The following RYR2 variants were observed in gnomAD, a reference collection of about 807,000 sequenced individuals.
RYR2 encodes cardiac muscle ryanodine receptor-calcium release channel.
Under a neutral mutation model 601.1 loss-of-function variants are expected in RYR2, and 227 were observed. The observed-to-expected ratio is 0.38, with a 90% CI of 0.34 to 0.42. The LOEUF (loss-of-function observed/expected upper bound fraction) is 0.42. RYR2 is among the 10% of genes least tolerant of loss of function. The pLI is 1.00. For missense variants in RYR2, 4,646 were observed against 6,156.5 expected (o/e 0.75, Z 8.21); for synonymous variants, 2,223 against 2,175.1 (o/e 1.02, Z -0.61).
At chr1:237,156,776 T>C (rs1240139836) in intron 1 of RYR2, among the ~76,000 whole-genome samples, 5 of 152,184 alleles carry the variant, frequency 3.3e-5, no homozygotes, top group Non-Finnish European at 7.3e-5. Flanking sequence ...ATGATCACAT[T>C]TAGCTGTGTA....
Position 237,503,516 on chromosome 1 carries a change from C to G in RYR2, c.2613+11C>G. 6.2e-7 allele frequency: 1 copy of G among 1,612,280 alleles called. No individual in the cohort carries two copies. Among genetic ancestry groups the G allele is most frequent in the Non-Finnish European group, 8.5e-7 (1 of 1,178,552 alleles). On this transcript the variant is annotated intron_variant, in intron 22 of 104. Transcript: ENST00000366574. ...GTGGATACCAGCCAGGTACCAAGATCCACTCGAATGGCAATCACTGGTATT... is the reference window on the plus strand; with the variant it reads ...GTGGATACCAGCCAGGTACCAAGATGCACTCGAATGGCAATCACTGGTATT...
At chr1:237,576,512 C>T (rs1276451585) in intron 29 of RYR2, among the ~76,000 whole-genome samples, 2 of 151,974 alleles carry the variant, frequency 1.3e-5, no homozygotes, top group Non-Finnish European at 1.5e-5. Flanking sequence ...AGAAAAGAGG[C>T]CTGTGACAAA....
intron 63 of RYR2, among the ~76,000 whole-genome samples, chr1:237,696,978 C>A (rs1344495699): frequency 6.6e-6 from 1 of 151,940 alleles, no homozygotes; most frequent in Non-Finnish European, 1.5e-5. Flanking sequence ...GTATCATATC[C>A]CATCCTGCTC....
chr1:237,339,929 C>T (rs545059728), intron 3 of RYR2, among the ~76,000 whole-genome samples: 207 of 152,272 alleles, frequency 1.4e-3, no homozygotes, highest in Admixed American at 1.4e-3. Context: ...TTTATTTACT[C>T]GCAAGAGAAA....
intron 39 of RYR2, among the ~76,000 whole-genome samples, chr1:237,624,998 T>C (rs920573413): frequency 6.6e-6 from 1 of 152,016 alleles, no homozygotes; most frequent in Non-Finnish European, 1.5e-5. Context: ...TATATATATA[T>C]ATTTCTACAA....
intron 1 of RYR2, among the ~76,000 whole-genome samples, chr1:237,086,294 G>C (rs1209065203): frequency 1.3e-5 from 2 of 152,134 alleles, no homozygotes. Context: ...TTTCCTCCAT[G>C]TATCTGTGTC....
chr1:237,440,426 A>G (rs1707804148), intron 12 of RYR2, among the ~76,000 whole-genome samples: 1 of 152,218 alleles, frequency 6.6e-6, no homozygotes, highest in Admixed American at 6.5e-5. Flanking sequence ...TGGCTTTTTC[A>G]TTGCTGCTTT....
chr1:237,319,350 T>C (rs1695401194), intron 2 of RYR2, among the ~76,000 whole-genome samples: 1 of 152,182 alleles, frequency 6.6e-6, no homozygotes, highest in Non-Finnish European at 1.5e-5. Flanking sequence ...TGGGTTACAC[T>C]TTCCTGGGCT....
At chr1:237,711,906 T>C in intron 71 of RYR2, 69 bp downstream of exon 71, 2 of 769,144 alleles carry the variant, frequency 2.6e-6, no homozygotes, top group Non-Finnish European at 4.4e-6. Flanking sequence ...TGACTTTTTT[T>C]TTTTAGATTT....
At position 237,605,736 on chromosome 1, in the gene RYR2, A is replaced by G. The variant is rs886220896; in HGVS notation, c.4683+3625A>G. Among the ~76,000 whole-genome samples the G allele has an allele frequency of 4.9e-4, 75 of 152,212 alleles. 1 individual carries two copies. Among genetic ancestry groups the G allele is most frequent in the Admixed American group, 3.9e-3 (60 of 15,284 alleles). On this transcript the variant is annotated intron_variant, in intron 35 of 104. Coordinates refer to ENST00000366574, the MANE Select transcript of RYR2 (RefSeq NM_001035.3). ...CAGCAAAGTCTCAGGATACAAAATCAATGTGCAAAAATCACAAGCATTCTT... is the reference window on the plus strand; with the variant it reads ...CAGCAAAGTCTCAGGATACAAAATCGATGTGCAAAAATCACAAGCATTCTT...
chr1:237,763,340 C>T (rs12080621), intron 84 of RYR2, among the ~76,000 whole-genome samples: 1,575 of 152,204 alleles, frequency 0.01, 24 homozygotes, highest in African/African-American at 0.032. Context: ...GATTGGTGCA[C>T]GGGAAATCGG....
chr1:237,061,273 T>C (rs1446815161), intron 1 of RYR2, among the ~76,000 whole-genome samples: 4 of 129,396 alleles, frequency 3.1e-5, no homozygotes, highest in African/African-American at 1.2e-4. Flanking sequence ...TCTATCCATC[T>C]ATCATCTATC....
intron 35 of RYR2, among the ~76,000 whole-genome samples, chr1:237,605,159 T>C (rs530652743): frequency 1.3e-5 from 2 of 152,276 alleles, no homozygotes; most frequent in South Asian, 2.1e-4. Flanking sequence ...TGAACATCGA[T>C]GCAAAAATCC....
intron 26 of RYR2, 51 bp downstream of exon 26, chr1:237,548,641 A>G: frequency 6.3e-7 from 1 of 1,591,428 alleles, no homozygotes; most frequent in Non-Finnish European, 8.6e-7. Context: ...GGGAATTAGC[A>G]TAATTTGTAA....
In RYR2 at chr1:237,761,010, G is replaced by A; in HGVS notation, c.11458G>A (p.Val3820Met). Residue 3820 changes from valine to methionine, a missense_variant, in exon 84 of 105, where the codon GTG becomes ATG. This residue lies in a region of RYR2 where 1,497 missense variants were observed against 1,842.6 expected (regional missense o/e 0.81). Coordinates refer to ENST00000366574, the MANE Select transcript of RYR2 (RefSeq NM_001035.3). Reference sequence around the variant, plus strand: ...AAACAAAGCTGAAGGTCTTGGGATGGTGACAGAGGAAGGATCAGGTATTAA... The same window carrying A: ...AAACAAAGCTGAAGGTCTTGGGATGATGACAGAGGAAGGATCAGGTATTAA... The part of the protein sequence containing the change: ...RQNKAEGLGM[V>M]TEEGSGEKVL... 1 of 1,577,932 alleles carries A rather than the reference G, an allele frequency of 6.3e-7. No individual in the cohort carries two copies. Among genetic ancestry groups the A allele is most frequent in the Non-Finnish European group, 8.6e-7 (1 of 1,159,588 alleles).
At chr1:237,090,364 G>A (rs753102568) in intron 1 of RYR2, among the ~76,000 whole-genome samples, 22 of 152,090 alleles carry the variant, frequency 1.4e-4, no homozygotes, top group African/African-American at 3.4e-4. Flanking sequence ...TATCTCGTGC[G>A]GGGGCAGTGT....
At chr1:237,542,669 G>T (rs1316347810) in intron 25 of RYR2, among the ~76,000 whole-genome samples, 1 of 152,098 alleles carries the variant, frequency 6.6e-6, no homozygotes. Flanking sequence ...CCTCATCCGG[G>T]CCTCTTTAGG....
intron 10 of RYR2, among the ~76,000 whole-genome samples, chr1:237,390,744 T>A (rs1702309572): frequency 6.6e-6 from 1 of 152,134 alleles, no homozygotes; most frequent in African/African-American, 2.4e-5. Flanking sequence ...GGACCCACTC[T>A]CCCTTTGCAT....
intron 2 of RYR2, among the ~76,000 whole-genome samples, chr1:237,295,570 A>G (rs1337458980): frequency 6.6e-6 from 1 of 152,262 alleles, no homozygotes; most frequent in Middle Eastern, 3.2e-3. Context: ...ACAACAATTC[A>G]GAATGTATAA....
Sources: allele counts gnomAD v4.1 joint callset (sites outside exome capture counted in the v4.1 genomes callset), GRCh38; gene constraint gnomAD v4.1.1; regional missense constraint gnomAD v4.1.1; transcripts MANE v1.5; gene names NCBI Gene and HGNC (gene_info 2026-07-23, HGNC 2026-07-21).